Variants in PCGF5 observed in about 807,000 individuals in gnomAD.
PCGF5 encodes the protein polycomb group ring finger 5, also known as polycomb group RING finger protein 5.
In PCGF5, 9 loss-of-function variants were observed where a neutral mutation model predicts 44.3. That is an observed-to-expected ratio of 0.20 (90% CI 0.12 to 0.35). PCGF5 has a LOEUF of 0.35. Among genes scored for constraint, PCGF5 ranks in the 10% least tolerant of loss-of-function variants. PCGF5 has a pLI of 1.00. For synonymous variants in PCGF5, 95 were observed against 102.5 expected, an observed-to-expected ratio of 0.93 and a Z score of 0.44; for missense variants, 146 against 305.3, an observed-to-expected ratio of 0.48 and a Z score of 3.89.
intron 1 of PCGF5, among the ~76,000 whole-genome samples, chr10:91,175,307 A>T (rs938234588): frequency 1.3e-5 from 2 of 152,214 alleles, no homozygotes; most frequent in Non-Finnish European, 2.9e-5. Context: ...AAGGAATTTA[A>T]TGAAATTCGG....
intron 7 of PCGF5, among the ~76,000 whole-genome samples, chr10:91,262,463 C>T (rs1845946811): frequency 6.6e-6 from 1 of 151,984 alleles, no homozygotes; most frequent in South Asian, 2.1e-4. Flanking sequence ...AAGACCAGGA[C>T]TAGTTTCCTA....
intron 1 of PCGF5, among the ~76,000 whole-genome samples, chr10:91,174,756 T>C (rs1843672585): frequency 6.6e-6 from 1 of 152,214 alleles, no homozygotes; most frequent in South Asian, 2.1e-4. Context: ...AAGAAATTGA[T>C]AAGGATTCAT....
chr10:91,192,242 T>A (rs1844046612), intron 1 of PCGF5, among the ~76,000 whole-genome samples: 1 of 152,222 alleles, frequency 6.6e-6, no homozygotes, highest in Non-Finnish European at 1.5e-5. Context: ...CATTTATGAC[T>A]ATTTTAGTTT....
rs192015669 is a variant in PCGF5 at position 91,223,646 on chromosome 10, T to C, written c.112+663T>C. 5.2e-4 allele frequency among the ~76,000 whole-genome samples: 79 copies of C among 152,322 alleles called. 1 individual carries two copies. In the South Asian group the frequency reaches 9.3e-3, roughly 18 times the overall value. ...ACTTATGCCAAGATTACACATACTC[T>C]TTGTGTTTCTGCCAGCATGATTTCA... On this transcript the variant is annotated intron_variant, in intron 2 of 9. Coordinates refer to ENST00000336126, the MANE Select transcript of PCGF5 (RefSeq NM_032373.5).
At chr10:91,193,440 G>C (rs771951355) in intron 1 of PCGF5, among the ~76,000 whole-genome samples, 4 of 151,806 alleles carry the variant, frequency 2.6e-5, no homozygotes, top group African/African-American at 9.7e-5. Context: ...TAAAAGGGAT[G>C]GGGGGGTGGG....
intron 1 of PCGF5, among the ~76,000 whole-genome samples, chr10:91,169,313 G>A (rs971113756): frequency 6.6e-6 from 1 of 152,118 alleles, no homozygotes; most frequent in Non-Finnish European, 1.5e-5. Context: ...ATAAAAGATA[G>A]CCTGGTTGGA....
intron 1 of PCGF5, among the ~76,000 whole-genome samples, chr10:91,209,204 C>G (rs1482691759): frequency 6.6e-6 from 1 of 152,110 alleles, no homozygotes; most frequent in Non-Finnish European, 1.5e-5. Flanking sequence ...CATCTGTTAC[C>G]TGACTAATAT....
chr10:91,208,588 G>T (rs1844390875), intron 1 of PCGF5, among the ~76,000 whole-genome samples: 1 of 152,122 alleles, frequency 6.6e-6, no homozygotes, highest in Non-Finnish European at 1.5e-5. Context: ...CCCTGTATTA[G>T]TATGAAAAAT....
chr10:91,240,695 T>C (rs558485192), intron 3 of PCGF5, 115 bp downstream of exon 3: 9 of 521,922 alleles, frequency 1.7e-5, no homozygotes, highest in Non-Finnish European at 2.6e-5. Context: ...ATAGGACTTA[T>C]GATTTTCATT....
intron 1 of PCGF5, among the ~76,000 whole-genome samples, chr10:91,177,346 G>A (rs1340976010): frequency 1.3e-5 from 2 of 152,202 alleles, no homozygotes; most frequent in African/African-American, 4.8e-5. Flanking sequence ...TAGGCTACTC[G>A]GGGGTCAGGG....
At chr10:91,199,466 A>G (rs1364597316) in intron 1 of PCGF5, among the ~76,000 whole-genome samples, 2 of 152,232 alleles carry the variant, frequency 1.3e-5, no homozygotes, top group African/African-American at 4.8e-5. Flanking sequence ...TGGGAAAGTG[A>G]CCTTGGGCAA....
At chr10:91,264,694 C>T (rs1175822838) in intron 8 of PCGF5, among the ~76,000 whole-genome samples, 174 bp downstream of exon 8, 1 of 152,106 alleles carries the variant, frequency 6.6e-6, no homozygotes, top group Non-Finnish European at 1.5e-5. Context: ...TGTATAAAAT[C>T]AAGGTCTGTG....
At chr10:91,205,106 A>G (rs1346678658) in intron 1 of PCGF5, among the ~76,000 whole-genome samples, 2 of 152,226 alleles carry the variant, frequency 1.3e-5, no homozygotes, top group Non-Finnish European at 1.5e-5. Flanking sequence ...GAGATTAGAT[A>G]TGTAAATACA....
intron 3 of PCGF5, among the ~76,000 whole-genome samples, chr10:91,240,987 T>C (rs1845309142): frequency 6.6e-6 from 1 of 150,384 alleles, no homozygotes; most frequent in South Asian, 2.1e-4. Flanking sequence ...ATGTAAAACC[T>C]AAAAGATTTT....
intron 2 of PCGF5, 143 bp from the exon 3 acceptor site, chr10:91,240,341 T>C (rs1845289894): frequency 9.4e-6 from 5 of 534,428 alleles, no homozygotes; most frequent in Non-Finnish European, 1.7e-5. Flanking sequence ...AGTGTTACAA[T>C]TGTAAGGTTT....
At chr10:91,252,372 C>G (rs1409896187) in intron 6 of PCGF5, among the ~76,000 whole-genome samples, 1 of 151,914 alleles carries the variant, frequency 6.6e-6, no homozygotes, top group African/African-American at 2.4e-5. Flanking sequence ...AACAATTTTT[C>G]ACTTCAGATT....
intron 1 of PCGF5, among the ~76,000 whole-genome samples, chr10:91,178,453 G>A (rs1011131734): frequency 4.0e-5 from 6 of 150,634 alleles, no homozygotes; most frequent in African/African-American, 1.5e-4. Context: ...GCAGTGGTGT[G>A]ATTATAGCTC....
intron 3 of PCGF5, among the ~76,000 whole-genome samples, chr10:91,245,005 ATAG>A (rs556961453): frequency 8.7e-4 from 133 of 152,306 alleles, no homozygotes; most frequent in African/African-American, 3.0e-3. Flanking sequence ...TCTTCAACAT[ATAG>A]AAGGTCTTTC....
chr10:91,256,581 C>T (rs1255764472), intron 6 of PCGF5, among the ~76,000 whole-genome samples: 1 of 152,018 alleles, frequency 6.6e-6, no homozygotes, highest in African/African-American at 2.4e-5. Context: ...AAATATTAAA[C>T]ATTTGAGAAG....
Sources: gnomAD v4.1 joint callset for allele counts (sites outside exome capture counted in the v4.1 genomes callset) on GRCh38, gnomAD v4.1.1 for gene constraint, MANE v1.5 for transcripts, NCBI Gene and HGNC (gene_info 2026-07-23, HGNC 2026-07-21) for gene names.